The following BPIFB6 variants were observed in gnomAD, a reference collection of about 807,000 sequenced individuals.
The protein encoded by BPIFB6 is BPI fold containing family B member 6, also known as BPI fold-containing family B member 6.
Under a neutral mutation model 54.7 loss-of-function variants are expected in BPIFB6, and 47 were observed. That is an observed-to-expected ratio of 0.86 (90% CI 0.68 to 1.10). The LOEUF is 1.10. Among genes scored for constraint, BPIFB6 ranks in the 50% least tolerant of loss-of-function variants. BPIFB6 has a pLI of 0.00. For missense variants in BPIFB6, 603 were observed against 564.1 expected, an observed-to-expected ratio of 1.07 and a Z score of -0.70; for synonymous variants, 255 against 225.9, an observed-to-expected ratio of 1.13 and a Z score of -1.16.
At chr20:33,033,667 AG>A in intron 2 of BPIFB6, 1 of 455,982 alleles carries the variant, frequency 2.2e-6, no homozygotes, top group South Asian at 1.6e-5. Flanking sequence ...ATTCTCAAAC[AG>A]GGGTGATTTT....
intron 14 of BPIFB6, 27 bp downstream of exon 14, chr20:33,043,394 TGTCAATCAA>T: frequency 6.3e-7 from 1 of 1,597,806 alleles, no homozygotes; most frequent in Non-Finnish European, 8.6e-7. Flanking sequence ...GGGGAGGTCA[TGTCAATCAA>T]CACTGTCAGC....
intron 11 of BPIFB6, among the ~76,000 whole-genome samples, chr20:33,041,183 A>G: frequency 6.6e-6 from 1 of 151,562 alleles, no homozygotes; most frequent in East Asian, 1.9e-4. Context: ...TAGAGATGGG[A>G]TTTCACCCTG....
rs1445463663 is a variant in BPIFB6 at position 33,034,794 on chromosome 20, G to A, written c.334G>A (p.Ala112Thr). The A allele has an allele frequency of 1.9e-6, 3 of 1,613,480 alleles. No homozygotes were observed. The East Asian group carries it at 6.7e-5, about 36-fold the overall frequency. Residue 112 changes from alanine to threonine, a missense_variant, in exon 4 of 15, where the codon GCC (alanine) becomes ACC (threonine). By Grantham distance (58) the Ala-to-Thr change is moderately conservative. Coordinates refer to ENST00000349552, the MANE Select transcript of BPIFB6 (RefSeq NM_174897.2). ...FMGGNMEIIV[A>T]LNITATNRLL... ...GGGAGGGAACATGGAGATCATCGTG[G>A]CCCTGAACATCACAGCCACCAACCG...
chr20:33,034,986 A>G (rs1009783302), intron 4 of BPIFB6, 74 bp downstream of exon 4: 3 of 1,606,818 alleles, frequency 1.9e-6, no homozygotes, highest in Admixed American at 3.3e-5. Context: ...TTCCTGAGCC[A>G]TGGAACCCCC....
chr20:33,031,655 G>A lies in BPIFB6; in HGVS notation c.8G>A (p.Arg3Gln), dbSNP rs776796699. MLRILCLALCSLL... is the reference protein window; with the variant it reads MLQILCLALCSLL... The stretch of plus-strand genomic sequence containing the variant: ...CTTGGCACAGGTGGTGCCATGCTGC[G>A]GATCCTGTGCCTGGCACTCTGCAGC... Residue 3 changes from arginine (R) to glutamine (Q), a missense_variant, in exon 1 of 15, where the codon CGG becomes CAG. Physicochemically the swap from Arg to Gln is conservative, Grantham distance 43. Transcript: ENST00000349552. 6.8e-5 allele frequency: 109 copies of A among 1,613,636 alleles called. No homozygotes were observed. The highest frequency in any genetic ancestry group is 1.1e-4 in the South Asian group (10 of 91,018).
At chr20:33,037,434 C>T (rs1261586052) in intron 7 of BPIFB6, 128 bp from the exon 8 acceptor site, 2 of 927,548 alleles carry the variant, frequency 2.2e-6, no homozygotes, top group South Asian at 1.7e-5. Context: ...TTGTGGTTCT[C>T]TTAATAAGAT....
rs958837244 is a variant in BPIFB6, at chr20:33,031,724, T to G, written c.77T>G (p.Leu26Trp). 1 of 1,613,958 alleles carries G rather than the reference T, an allele frequency of 6.2e-7. No homozygotes were observed. Among genetic ancestry groups the G allele is most frequent in the Admixed American group, 1.7e-5 (1 of 59,996 alleles). Residue 26 changes from leucine (L) to tryptophan (W), a missense_variant, in exon 1 of 15, where the codon TTG (leucine) becomes TGG (tryptophan). By Grantham distance (61) the Leu-to-Trp change is moderately conservative (BLOSUM62 -2). Transcript: ENST00000349552. The stretch of plus-strand genomic sequence containing the variant: ...GCTGACCCTGGGGCACTGCTGCGGT[T>G]GGGCATGGACATCATGAACCGTGGT... The part of the protein sequence containing the change: ...TRADPGALLR[L>W]GMDIMNQVQS...
intron 11 of BPIFB6, 120 bp from the exon 12 acceptor site, chr20:33,041,850 G>A (rs1979599543): frequency 1.2e-6 from 1 of 827,172 alleles, no homozygotes; most frequent in African/African-American, 1.7e-5. Flanking sequence ...AGGCTGTAGA[G>A]GGGACTCCTG....
chr20:33,042,731 G>A, intron 12 of BPIFB6, 84 bp from the exon 13 acceptor site: 1 of 1,319,122 alleles, frequency 7.6e-7, no homozygotes, highest in South Asian at 1.3e-5. Flanking sequence ...GTGGTCCCCA[G>A]GCCTAGCCAG....
intron 6 of BPIFB6, 60 bp downstream of exon 6, chr20:33,035,732 T>G: frequency 2.0e-6 from 3 of 1,531,408 alleles, no homozygotes; most frequent in Non-Finnish European, 2.7e-6. Flanking sequence ...AGATAGACTT[T>G]GATGTCCCAT....
At chr20:33,041,855 C>T (rs1369138236) in intron 11 of BPIFB6, 115 bp from the exon 12 acceptor site, 1 of 880,120 alleles carries the variant, frequency 1.1e-6, no homozygotes, top group Admixed American at 2.0e-5. Context: ...GTAGAGGGGA[C>T]TCCTGCATCA....
At chr20:33,040,755 ATTATATTCATCATCCTATTTCATTC>A (rs1979547496) in intron 11 of BPIFB6, among the ~76,000 whole-genome samples, 1 of 152,210 alleles carries the variant, frequency 6.6e-6, no homozygotes, top group Non-Finnish European at 1.5e-5. Context: ...GGCTGCATAC[ATTATATTCATCATCCTATTTCATTC>A]TTACACTTTG....
At chr20:33,035,781 C>T in intron 6 of BPIFB6, 109 bp downstream of exon 6, 2 of 1,157,086 alleles carry the variant, frequency 1.7e-6, no homozygotes, top group Admixed American at 3.4e-5. Context: ...AGCCTTGGGA[C>T]TAGAGGAGGC....
chr20:33,032,887 G>A (rs191622400), intron 1 of BPIFB6, 97 bp from the exon 2 acceptor site: 34 of 946,848 alleles, frequency 3.6e-5, no homozygotes, highest in African/African-American at 4.8e-5. Flanking sequence ...CTCTGCCATC[G>A]TCCAGCCCAG....
At chr20:33,041,341 T>C (rs1268673491) in intron 11 of BPIFB6, among the ~76,000 whole-genome samples, 1 of 152,172 alleles carries the variant, frequency 6.6e-6, no homozygotes, top group Admixed American at 6.5e-5. Context: ...GGCACACAAA[T>C]GAACTCCTTG....
At chr20:33,043,945 C>T (rs1224173908) in intron 14 of BPIFB6, 70 bp from the exon 15 acceptor site, 2 of 1,572,882 alleles carry the variant, frequency 1.3e-6, no homozygotes, top group South Asian at 2.2e-5. Flanking sequence ...ACAAGGGGCC[C>T]AGTTCCATTC....
chr20:33,041,449 G>A (rs1252368254), intron 11 of BPIFB6, among the ~76,000 whole-genome samples: 1 of 152,162 alleles, frequency 6.6e-6, no homozygotes, highest in Non-Finnish European at 1.5e-5. Context: ...GGGACTTTGG[G>A]TTTAGCCCAT....
rs78070863 is a variant in BPIFB6, at chr20:33,036,692, C to G, written c.669+156C>G. ...CAATGCCATGTGGGTGTTTGTGGAC[C>G]CTGGGCCTCTCCCTCTTTCTGCTCT... On this transcript the variant is annotated intron_variant, in intron 7 of 14. Transcript: ENST00000349552. Among the ~76,000 whole-genome samples the G allele has an allele frequency of 3.7e-3, 557 of 152,254 alleles. 1 individual carries two copies. The highest frequency in any genetic ancestry group is 0.013 in the African/African-American group (538 of 41,548).
At chr20:33,033,743 G>A in intron 2 of BPIFB6, 3 of 439,070 alleles carry the variant, frequency 6.8e-6, no homozygotes, top group Non-Finnish European at 1.4e-5. Flanking sequence ...GCGGGGACTG[G>A]GGGAATGCTA....
Sources: gnomAD v4.1 joint callset for allele counts (sites outside exome capture counted in the v4.1 genomes callset) on GRCh38, gnomAD v4.1.1 for gene constraint, MANE v1.5 for transcripts, NCBI Gene and HGNC (gene_info 2026-07-23, HGNC 2026-07-21) for gene names.